Variants in SPAG16 observed in about 807,000 individuals in gnomAD.
SPAG16 encodes sperm associated antigen 16.
SPAG16 carries 86 observed loss-of-function variants against 80.4 expected under a neutral mutation model. That is an observed-to-expected ratio of 1.07 (90% CI 0.90 to 1.28). SPAG16 has a LOEUF of 1.28. SPAG16 is among the 50% of genes most tolerant of loss of function. The probability of loss-of-function intolerance (pLI) is 0.00; values close to 1 mark genes in which losing one functional copy is unlikely to be tolerated. For missense variants in SPAG16, 870 were observed against 765.3 expected, an observed-to-expected ratio of 1.14 and a Z score of -1.61; for synonymous variants, 294 against 265.9, an observed-to-expected ratio of 1.11 and a Z score of -1.03.
At chr2:213,744,640 G>A (rs948149928) in intron 10 of SPAG16, among the ~76,000 whole-genome samples, 6 of 152,102 alleles carry the variant, frequency 3.9e-5, no homozygotes, top group Non-Finnish European at 8.8e-5. Flanking sequence ...TAAATCAATG[G>A]GAAGTATTAG....
Position 213,292,293 on chromosome 2 carries a change from C to G in SPAG16, c.137-3771C>G, listed in dbSNP as rs1206462604. Among the ~76,000 whole-genome samples the G allele has an allele frequency of 5.9e-5, 9 of 152,294 alleles. No homozygotes were observed. The South Asian group carries it at 1.7e-3, about 28-fold the overall frequency. On this transcript the variant is annotated intron_variant, in intron 1 of 15. Coordinates refer to ENST00000331683, the MANE Select transcript of SPAG16 (RefSeq NM_024532.5). ...AAATTACTTTCTAGGAGCTGTCTCT[C>G]AGAAGGGGTCATGCTTTTTCATAGA...
At chr2:213,291,058 A>G (rs1575088130) in intron 1 of SPAG16, among the ~76,000 whole-genome samples, 1 of 152,192 alleles carries the variant, frequency 6.6e-6, no homozygotes, top group African/African-American at 2.4e-5. Context: ...CGATACAGAG[A>G]TGGTATCTGA....
intron 10 of SPAG16, among the ~76,000 whole-genome samples, chr2:213,597,620 C>G (rs2060927036): frequency 6.6e-6 from 1 of 152,090 alleles, no homozygotes; most frequent in South Asian, 2.1e-4. Context: ...ATAAGTGTCA[C>G]TTTTGGCCAA....
At chr2:214,249,130 GA>G (rs1391046595) in intron 15 of SPAG16, among the ~76,000 whole-genome samples, 3 of 152,104 alleles carry the variant, frequency 2.0e-5, no homozygotes, top group Non-Finnish European at 4.4e-5. Flanking sequence ...CACTATGTGG[GA>G]CTGAAGAATG....
chr2:214,039,922 AG>A (rs542420289), intron 13 of SPAG16, among the ~76,000 whole-genome samples: 67 of 152,244 alleles, frequency 4.4e-4, no homozygotes, highest in African/African-American at 1.6e-3. Flanking sequence ...CTTGCAGCCT[AG>A]GGTTGCTTGC....
intron 6 of SPAG16, among the ~76,000 whole-genome samples, chr2:213,344,258 G>C (rs1395961154): frequency 1.3e-5 from 2 of 152,064 alleles, no homozygotes; most frequent in African/African-American, 4.8e-5. Flanking sequence ...ATGGTGTTAC[G>C]GAGTGCTTCC....
chr2:213,834,843 C>A (rs1212204688), intron 10 of SPAG16, among the ~76,000 whole-genome samples: 1 of 152,040 alleles, frequency 6.6e-6, no homozygotes, highest in Non-Finnish European at 1.5e-5. Flanking sequence ...ATTCTGTTTG[C>A]CTTCAGAAAT....
At chr2:214,392,234 G>C (rs1701124844) in intron 15 of SPAG16, among the ~76,000 whole-genome samples, 1 of 152,000 alleles carries the variant, frequency 6.6e-6, no homozygotes, top group Non-Finnish European at 1.5e-5. Context: ...CAGGCTCTTG[G>C]CTCACTACAA....
chr2:213,368,884 C>G (rs2066475576), intron 8 of SPAG16, among the ~76,000 whole-genome samples: 1 of 152,162 alleles, frequency 6.6e-6, no homozygotes, highest in Non-Finnish European at 1.5e-5. Flanking sequence ...TCAAGGAGAA[C>G]TACAAACCAC....
chr2:213,512,527 A>C (rs2075268581), intron 10 of SPAG16, among the ~76,000 whole-genome samples: 1 of 152,090 alleles, frequency 6.6e-6, no homozygotes, highest in East Asian at 1.9e-4. Flanking sequence ...CATAGCATAA[A>C]CTTTGTGTGA....
chr2:213,943,140 T>C (rs1234069863), intron 12 of SPAG16, among the ~76,000 whole-genome samples: 1 of 152,182 alleles, frequency 6.6e-6, no homozygotes, highest in Non-Finnish European at 1.5e-5. Context: ...ATTATTTAAA[T>C]CACCCCGTCT....
chr2:213,548,919 A>G (rs1430871401), intron 10 of SPAG16, among the ~76,000 whole-genome samples: 1 of 152,016 alleles, frequency 6.6e-6, no homozygotes, highest in Non-Finnish European at 1.5e-5. Flanking sequence ...TTATATTTTA[A>G]TATAAATGCA....
chr2:214,339,352 A>G (rs1414541013), intron 15 of SPAG16, among the ~76,000 whole-genome samples: 5 of 152,228 alleles, frequency 3.3e-5, no homozygotes, highest in Non-Finnish European at 5.9e-5. Context: ...AAATGATGAC[A>G]GTAAGGCAAA....
chr2:214,318,373 C>CTTTTT (rs34923875), intron 15 of SPAG16, among the ~76,000 whole-genome samples: 3 of 69,804 alleles, frequency 4.3e-5, no homozygotes, highest in Non-Finnish European at 7.7e-5. Context: ...AGAGTGAATT[C>CTTTTT]TTTTTTTTTT....
intron 10 of SPAG16, among the ~76,000 whole-genome samples, chr2:213,532,551 T>G (rs1274921040): frequency 6.7e-6 from 1 of 150,236 alleles, no homozygotes; most frequent in Non-Finnish European, 1.5e-5. Context: ...AACCTCCACC[T>G]CCCAGGTTCA....
chr2:213,853,449 G>A (rs190517961), intron 10 of SPAG16, among the ~76,000 whole-genome samples: 11 of 152,068 alleles, frequency 7.2e-5, no homozygotes, highest in African/African-American at 2.2e-4. Flanking sequence ...TATTATAAAC[G>A]AAAAAAATCT....
chr2:214,160,088 G>A (rs1341012856), intron 15 of SPAG16, among the ~76,000 whole-genome samples: 1 of 151,932 alleles, frequency 6.6e-6, no homozygotes, highest in Admixed American at 6.6e-5. Flanking sequence ...ATGACTAGGA[G>A]TATTGCAAAC....
At chr2:213,931,416 A>G (rs1034581972) in intron 12 of SPAG16, among the ~76,000 whole-genome samples, 4 of 152,172 alleles carry the variant, frequency 2.6e-5, no homozygotes, top group African/African-American at 9.7e-5. Flanking sequence ...CCAATCATTT[A>G]TAATTCTTTA....
chr2:213,930,225 TTC>T, intron 12 of SPAG16, 80 bp downstream of exon 12: 2 of 1,047,794 alleles, frequency 1.9e-6, no homozygotes, highest in East Asian at 2.7e-5. Context: ...TTTTTTTTTT[TTC>T]CTTGATGCTA....
Sources: gnomAD v4.1 joint callset for allele counts (sites outside exome capture counted in the v4.1 genomes callset) on GRCh38, gnomAD v4.1.1 for gene constraint, MANE v1.5 for transcripts, NCBI Gene and HGNC (gene_info 2026-07-23, HGNC 2026-07-21) for gene names.